Variants in NFIB observed in about 807,000 individuals in gnomAD.
The protein encoded by NFIB is nuclear factor I B, also known as nuclear factor 1 B-type.
In NFIB, 11 loss-of-function variants were observed where a neutral mutation model predicts 61.5. That is an observed-to-expected ratio of 0.18 (90% confidence interval 0.11 to 0.30). The LOEUF is 0.30. Among genes scored for constraint, NFIB ranks in the 10% least tolerant of loss-of-function variants. NFIB has a pLI of 1.00. For missense variants in NFIB, 471 were observed against 608.9 expected (o/e 0.77, Z 2.38); for synonymous variants, 260 against 216.5 (o/e 1.20, Z -1.76).
intron 5 of NFIB, among the ~76,000 whole-genome samples, chr9:14,149,176 C>G (rs1363419212): frequency 6.6e-6 from 1 of 152,060 alleles, no homozygotes; most frequent in Non-Finnish European, 1.5e-5. Flanking sequence ...TCTTGCTACA[C>G]AATTTAACTA....
chr9:14,187,495 G>A (rs926719525), intron 2 of NFIB, among the ~76,000 whole-genome samples: 1 of 152,148 alleles, frequency 6.6e-6, no homozygotes, highest in African/African-American at 2.4e-5. Flanking sequence ...TTAAAAAGAT[G>A]TTGCTACACT....
chr9:14,172,469 T>A (rs1454222752), intron 3 of NFIB, among the ~76,000 whole-genome samples: 2 of 152,170 alleles, frequency 1.3e-5, no homozygotes, highest in Non-Finnish European at 2.9e-5. Context: ...ACAATGTTAA[T>A]ACAAGCTTCT....
At chr9:14,450,732 T>G in the NFIB span, among the ~76,000 whole-genome samples, 2 of 149,972 alleles carry the variant, frequency 1.3e-5, no homozygotes, top group Non-Finnish European at 1.5e-5. Context: ...AAGGTGATTT[T>G]CTTTTCTTTT....
chr9:14,101,771 A>G (rs997976659), intron 10 of NFIB, among the ~76,000 whole-genome samples: 5 of 152,210 alleles, frequency 3.3e-5, no homozygotes, highest in African/African-American at 9.6e-5. Context: ...TGGTTTTGAA[A>G]ATGAAGTTTT....
chr9:14,146,837 T>C (rs766839367), intron 5 of NFIB, 30 bp from the exon 6 acceptor site: 8 of 1,594,632 alleles, frequency 5.0e-6, no homozygotes, highest in African/African-American at 1.4e-5. Flanking sequence ...GTTATATTAA[T>C]GGGATTTCTG....
At chr9:14,495,731 G>C in the NFIB span, among the ~76,000 whole-genome samples, 17 of 152,078 alleles carry the variant, frequency 1.1e-4, no homozygotes, top group Non-Finnish European at 1.9e-4. Context: ...TAGAAGCTTA[G>C]TGTACAAGAA....
chr9:14,263,850 T>C (rs2056988673), intron 2 of NFIB, among the ~76,000 whole-genome samples: 1 of 152,204 alleles, frequency 6.6e-6, no homozygotes, highest in South Asian at 2.1e-4. Context: ...GTCCTCTGCA[T>C]CTGGCAGTTA....
intron 2 of NFIB, among the ~76,000 whole-genome samples, chr9:14,224,283 G>A (rs1247896791): frequency 6.6e-6 from 1 of 152,184 alleles, no homozygotes; most frequent in Admixed American, 6.5e-5. Context: ...TCCACATGAT[G>A]TTCTGTGTAG....
chr9:14,085,043 ATACATG>A lies in NFIB; in HGVS notation c.*3260_*3265del. 4.4e-6 allele frequency: 1 copy of A among 227,788 alleles called. No homozygotes were observed. The highest frequency in any genetic ancestry group is 8.7e-6 in the Non-Finnish European group (1 of 114,410). 14.1% of individuals were successfully genotyped at this position (227,788 alleles called of 1,614,324 possible). ...CATTTGTTCACCTAATAGGTCAAAG[ATACATG>A]AAGAGCTTGGCTGAGATGATCTGTT... On this transcript the variant is annotated 3_prime_UTR_variant, in exon 11 of 11. Coordinates refer to ENST00000380953, the MANE Select transcript of NFIB (RefSeq NM_001190737.2).
chr9:14,355,655 C>T (rs1032276938), intron 1 of NFIB, among the ~76,000 whole-genome samples: 2 of 152,158 alleles, frequency 1.3e-5, no homozygotes, highest in African/African-American at 2.4e-5. Flanking sequence ...CCCACGTTGG[C>T]TTAAATACCC....
intron 2 of NFIB, among the ~76,000 whole-genome samples, chr9:14,254,637 A>G (rs1050593858): frequency 4.6e-5 from 7 of 152,178 alleles, no homozygotes; most frequent in African/African-American, 1.7e-4. Context: ...ACTGATCCAA[A>G]AGCCCATCTG....
the NFIB span, among the ~76,000 whole-genome samples, chr9:14,494,468 C>T: frequency 1.3e-5 from 2 of 152,168 alleles, no homozygotes; most frequent in Non-Finnish European, 2.9e-5. Context: ...TTAAATGCTG[C>T]TGTATTGGGA....
chr9:14,472,337 T>C, the NFIB span, among the ~76,000 whole-genome samples: 1 of 152,208 alleles, frequency 6.6e-6, no homozygotes, highest in Non-Finnish European at 1.5e-5. Flanking sequence ...TGGTGATCCA[T>C]AGACCAGTGT....
At chr9:14,525,258 C>T in the NFIB span, among the ~76,000 whole-genome samples, 1 of 152,156 alleles carries the variant, frequency 6.6e-6, no homozygotes. Context: ...TGGTCAAACA[C>T]CTTACCATGG....
chr9:14,159,293 G>A (rs998019281), intron 3 of NFIB, among the ~76,000 whole-genome samples: 2 of 152,134 alleles, frequency 1.3e-5, no homozygotes, highest in East Asian at 3.8e-4. Context: ...TGGAATCTAC[G>A]GAAACAATGG....
chr9:14,525,942 C>T, the NFIB span, among the ~76,000 whole-genome samples: 39 of 152,224 alleles, frequency 2.6e-4, no homozygotes, highest in East Asian at 1.5e-3. Context: ...GGATATGTGT[C>T]GTGGACCTTG....
At chr9:14,289,122 GTATATA>G (rs60051220) in intron 2 of NFIB, among the ~76,000 whole-genome samples, 2 of 139,912 alleles carry the variant, frequency 1.4e-5, no homozygotes, top group Non-Finnish European at 3.1e-5. Context: ...GTGTGTATAT[GTATATA>G]TATATATATA....
intron 2 of NFIB, among the ~76,000 whole-genome samples, chr9:14,297,112 A>G (rs1435271398): frequency 6.6e-6 from 1 of 152,212 alleles, no homozygotes; most frequent in Non-Finnish European, 1.5e-5. Flanking sequence ...AGATCACCTT[A>G]AAATTCTTTC....
intron 2 of NFIB, among the ~76,000 whole-genome samples, chr9:14,182,163 AT>A (rs2046849918): frequency 6.6e-6 from 1 of 152,182 alleles, no homozygotes; most frequent in South Asian, 2.1e-4. Flanking sequence ...AACTTCTTCG[AT>A]TGAAAAAATA....
Sources: gnomAD v4.1 joint callset for allele counts (sites outside exome capture counted in the v4.1 genomes callset) on GRCh38, gnomAD v4.1.1 for gene constraint, MANE v1.5 for transcripts, NCBI Gene and HGNC (gene_info 2026-07-23, HGNC 2026-07-21) for gene names.